PLXDC2: variants seen among roughly 807,000 people sequenced by gnomAD.
PLXDC2 encodes plexin domain containing 2.
PLXDC2 carries 40 observed loss-of-function variants against 68.9 expected under a neutral mutation model. The ratio of observed to expected loss-of-function variants is 0.58; its 90% CI spans 0.45 to 0.76. The LOEUF is 0.76. PLXDC2 is among the 30% of genes least tolerant of loss of function. PLXDC2 has a pLI of 0.00. For synonymous variants in PLXDC2, 243 were observed against 234.2 expected, an observed-to-expected ratio of 1.04 and a Z score of -0.34; for missense variants, 644 against 661.9, an observed-to-expected ratio of 0.97 and a Z score of 0.30.
intron 12 of PLXDC2, among the ~76,000 whole-genome samples, chr10:20,238,174 A>G (rs955993817): frequency 6.7e-6 from 1 of 149,744 alleles, no homozygotes; most frequent in Non-Finnish European, 1.5e-5. Flanking sequence ...ATACATATAT[A>G]TACAAATATA....
intron 1 of PLXDC2, among the ~76,000 whole-genome samples, chr10:19,878,283 C>T (rs1424772451): frequency 1.3e-5 from 2 of 151,590 alleles, no homozygotes; most frequent in East Asian, 3.9e-4. Context: ...CTCATTGCAG[C>T]CTCAAACTCC....
At chr10:20,240,497 A>G (rs1274907045) in intron 12 of PLXDC2, among the ~76,000 whole-genome samples, 2 of 152,174 alleles carry the variant, frequency 1.3e-5, no homozygotes, top group African/African-American at 4.8e-5. Flanking sequence ...AATCTGTACC[A>G]TTTGATCAAG....
At chr10:20,212,950 A>G (rs1835088762) in intron 10 of PLXDC2, among the ~76,000 whole-genome samples, 2 of 152,118 alleles carry the variant, frequency 1.3e-5, no homozygotes, top group Admixed American at 1.3e-4. Context: ...CATATATGTA[A>G]AGATTGAGAA....
At chr10:19,973,923 G>T (rs984934480) in intron 1 of PLXDC2, among the ~76,000 whole-genome samples, 1 of 152,192 alleles carries the variant, frequency 6.6e-6, no homozygotes, top group African/African-American at 2.4e-5. Flanking sequence ...TTGGAGTAAA[G>T]AATAAGGAGC....
At chr10:20,159,584 A>T in intron 6 of PLXDC2, among the ~76,000 whole-genome samples, 1 of 152,136 alleles carries the variant, frequency 6.6e-6, no homozygotes, top group East Asian at 1.9e-4. Context: ...AAATAAAGGA[A>T]TGTCCTTTCC....
intron 4 of PLXDC2, among the ~76,000 whole-genome samples, chr10:20,131,234 T>C (rs925718949): frequency 3.9e-5 from 6 of 151,970 alleles, no homozygotes; most frequent in African/African-American, 1.4e-4. Flanking sequence ...TTCTATTCTA[T>C]TTAGTGTTTC....
chr10:20,075,277 C>T (rs181562149), intron 4 of PLXDC2, among the ~76,000 whole-genome samples: 1 of 152,284 alleles, frequency 6.6e-6, no homozygotes, highest in East Asian at 1.9e-4. Flanking sequence ...CAGCCTTGAC[C>T]TCCTAGGCTC....
chr10:20,250,302 C>T (rs562942920), intron 13 of PLXDC2, among the ~76,000 whole-genome samples: 13 of 150,484 alleles, frequency 8.6e-5, no homozygotes, highest in African/African-American at 2.4e-4. Context: ...ATTCATGACT[C>T]TATCCTTGAG....
intron 1 of PLXDC2, among the ~76,000 whole-genome samples, chr10:19,910,350 C>A (rs1833244387): frequency 1.3e-5 from 2 of 151,900 alleles, no homozygotes; most frequent in Admixed American, 6.6e-5. Flanking sequence ...GTGTTTCTCG[C>A]ATTTTTCTAA....
chr10:20,259,204 C>CT (rs1341429582), intron 13 of PLXDC2, among the ~76,000 whole-genome samples: 7 of 151,728 alleles, frequency 4.6e-5, no homozygotes, highest in African/African-American at 7.3e-5. Flanking sequence ...GAACAATTGC[C>CT]TTTTTTTTCT....
At chr10:20,062,037 A>C (rs903710406) in intron 3 of PLXDC2, among the ~76,000 whole-genome samples, 1 of 152,250 alleles carries the variant, frequency 6.6e-6, no homozygotes, top group Non-Finnish European at 1.5e-5. Context: ...CTCAGTGCTT[A>C]TGATGGCCAG....
At chr10:20,184,267 G>GAA (rs1038942315) in intron 9 of PLXDC2, among the ~76,000 whole-genome samples, 5 of 150,952 alleles carry the variant, frequency 3.3e-5, no homozygotes, top group African/African-American at 1.2e-4. Flanking sequence ...GAAACAAAAA[G>GAA]AATCACCTAT....
chr10:19,907,009 G>GA (rs570347876), intron 1 of PLXDC2, among the ~76,000 whole-genome samples: 99 of 152,200 alleles, frequency 6.5e-4, no homozygotes, highest in African/African-American at 2.3e-3. Context: ...CCCAAGCAAG[G>GA]AAGCATGCAT....
intron 4 of PLXDC2, among the ~76,000 whole-genome samples, chr10:20,111,261 C>T (rs536258516): frequency 9.9e-4 from 151 of 152,256 alleles, no homozygotes; most frequent in African/African-American, 3.4e-3. Flanking sequence ...CTAGTACTTT[C>T]ACATCAGCTT....
At chr10:20,242,358 A>G (rs1835527850) in intron 12 of PLXDC2, among the ~76,000 whole-genome samples, 2 of 152,172 alleles carry the variant, frequency 1.3e-5, no homozygotes, top group Non-Finnish European at 2.9e-5. Flanking sequence ...ATATCTCAAT[A>G]TTCATTAAGT....
At chr10:19,904,847 A>G (rs1838213834) in intron 1 of PLXDC2, among the ~76,000 whole-genome samples, 1 of 152,186 alleles carries the variant, frequency 6.6e-6, no homozygotes, top group Non-Finnish European at 1.5e-5. Context: ...TTTAATAAGT[A>G]AGAATCCTAA....
chr10:20,164,316 G>A (rs1365669772), intron 6 of PLXDC2, 152 bp from the exon 7 acceptor site: 10 of 650,252 alleles, frequency 1.5e-5, no homozygotes, highest in East Asian at 1.4e-4. Context: ...TTTTGGTTTC[G>A]TATGTCTCTC....
At chr10:19,885,119 T>C (rs1471397774) in intron 1 of PLXDC2, among the ~76,000 whole-genome samples, 8 of 152,200 alleles carry the variant, frequency 5.3e-5, no homozygotes, top group Non-Finnish European at 1.0e-4. Flanking sequence ...ATGAGCATTT[T>C]TTCATGTGTT....
At chr10:20,109,162 G>T (rs1833527519) in intron 4 of PLXDC2, among the ~76,000 whole-genome samples, 1 of 152,160 alleles carries the variant, frequency 6.6e-6, no homozygotes, top group Non-Finnish European at 1.5e-5. Context: ...TTGTGAAATA[G>T]AATATTACAT....
Sources: gnomAD v4.1 joint callset for allele counts (sites outside exome capture counted in the v4.1 genomes callset) on GRCh38, gnomAD v4.1.1 for gene constraint, MANE v1.5 for transcripts, NCBI Gene and HGNC (gene_info 2026-07-23, HGNC 2026-07-21) for gene names.